Variants in E2F8 observed in about 807,000 individuals in gnomAD.
E2F8 encodes the protein transcription factor E2F8.
A neutral mutation model predicts 80.8 loss-of-function variants in E2F8; 35 were observed. The observed-to-expected ratio is 0.43, with a 90% CI of 0.33 to 0.57. The LOEUF (loss-of-function observed/expected upper bound fraction) is 0.57, where lower values mean the gene tolerates loss of function less well. Among genes scored for constraint, E2F8 ranks in the 20% least tolerant of loss-of-function variants. The pLI, the probability that E2F8 is intolerant of heterozygous loss-of-function variation, is 0.04. For synonymous variants in E2F8, 386 were observed against 395.0 expected (o/e 0.98, Z 0.27); for missense variants, 975 against 1,056.2 (o/e 0.92, Z 1.07).
At position 19,237,909 on chromosome 11, in the gene E2F8, T is replaced by G; in HGVS notation, c.239A>C (p.Lys80Thr). The G allele has an allele frequency of 6.2e-7, 1 of 1,614,122 alleles. No individual in the cohort carries two copies. The highest frequency in any genetic ancestry group is 1.7e-5 in the Admixed American group (1 of 60,020). ...ACTTCTGTTGTCAAACAAACCCCTT[T>G]TCTGATCTCTGTTGCGGATCTCAGG... is the stretch of plus-strand genomic sequence containing the variant. ...VSPEIRNRDQ[K>T]RGLFDNRSGL... Residue 80 changes from lysine (K) to threonine (T), a missense_variant, in exon 3 of 13, where the codon AAA becomes ACA. By Grantham distance (78) the Lys-to-Thr change is moderately conservative (BLOSUM62 -1). Transcript: ENST00000250024.
At chr11:19,237,620 A>G in intron 3 of E2F8, 150 bp from the exon 4 acceptor site, 1 of 1,033,548 alleles carries the variant, frequency 9.7e-7, no homozygotes, top group Admixed American at 2.9e-5. Flanking sequence ...TAGGGGGGCC[A>G]GTACAAAATG....
chr11:19,237,460 G>C lies in E2F8; in HGVS notation c.305C>G (p.Ser102Cys), dbSNP rs1851548281. 1.2e-6 allele frequency: 2 copies of C among 1,613,350 alleles called. No homozygotes were observed. The highest frequency in any genetic ancestry group is 1.1e-5 in the South Asian group (1 of 90,980). The part of the protein sequence containing the change: ...EAKDCIHEHL[S>C]GDEFEKSQPS... ...TTGGGATTTCTCAAATTCATCTCCA[G>C]ATAAGTGTTCCTACAAAGGAAAAGG... The change falls in exon 4 of 13, where the codon TCT becomes TGT. Residue 102 changes from serine to cysteine, a missense_variant. By Grantham distance (112) the Ser-to-Cys change is moderately radical. Coordinates refer to ENST00000250024, the MANE Select transcript of E2F8 (RefSeq NM_024680.4).
chr11:19,237,854 G>A lies in E2F8; in HGVS notation c.294C>T (p.His98=), dbSNP rs149206686. 86 of 1,611,374 alleles carry A rather than the reference G, an allele frequency of 5.3e-5. No individual in the cohort carries two copies. Among genetic ancestry groups the A allele is most frequent in the Non-Finnish European group, 7.1e-5 (84 of 1,178,494 alleles). The change falls in exon 3 of 13, where the codon CAC becomes CAT. Residue 98 remains histidine (H), a splice_region_variant and synonymous_variant. Transcript: ENST00000250024. Reference sequence around the variant, plus strand: ...TCCAACCAGTCCTCTGAAAACCTACGTGTATACAGTCTTTGGCCTCAGGTA... The same window carrying A: ...TCCAACCAGTCCTCTGAAAACCTACATGTATACAGTCTTTGGCCTCAGGTA... ...SGLPEAKDCI[H]EHLSGDEFEK...
intron 6 of E2F8, among the ~76,000 whole-genome samples, chr11:19,233,169 C>T (rs1851424131): frequency 1.3e-5 from 2 of 152,112 alleles, no homozygotes; most frequent in Non-Finnish European, 2.9e-5. Context: ...TGCAGATCTC[C>T]CGATCTCCCG....
At chr11:19,236,484 A>G (rs1422702716) in intron 4 of E2F8, among the ~76,000 whole-genome samples, 1 of 152,192 alleles carries the variant, frequency 6.6e-6, no homozygotes, top group Non-Finnish European at 1.5e-5. Flanking sequence ...TTACGGATGT[A>G]TCCCAGGCTC....
Position 19,240,134 on chromosome 11 carries a change from T to C in E2F8, c.-13A>G. ...TTTCGTTCTCCATTCTGTAAATTCC[T>C]CATACATTTAGAGTTTAAAAATGAA... On this transcript the variant is annotated 5_prime_UTR_variant, in exon 2 of 13. Transcript: ENST00000250024. 6.6e-7 allele frequency: 1 copy of C among 1,509,132 alleles called. No individual in the cohort carries two copies. Among genetic ancestry groups the C allele is most frequent in the Non-Finnish European group, 8.9e-7 (1 of 1,121,808 alleles). 93.5% of individuals were successfully genotyped at this position (1,509,132 alleles called of 1,614,324 possible). A position where few individuals can be genotyped will look rare whatever the true frequency, so the allele number is the denominator to read the frequency against.
At chr11:19,238,212 C>A in intron 2 of E2F8, 80 bp from the exon 3 acceptor site, 1 of 1,402,454 alleles carries the variant, frequency 7.1e-7, no homozygotes. Flanking sequence ...AATTGCATAA[C>A]GAATAGAATC....
rs1450869504 is a variant in E2F8 at position 19,225,035 on chromosome 11, T to C, written c.2421+186A>G. The C allele has an allele frequency of 3.6e-6, 4 of 1,125,716 alleles. 1 individual carries two copies. Among genetic ancestry groups the C allele is most frequent in the Non-Finnish European group, 5.0e-6 (4 of 796,724 alleles). 69.7% of individuals were successfully genotyped at this position (1,125,716 alleles called of 1,614,324 possible). A position where few individuals can be genotyped will look rare whatever the true frequency, so the allele number is the denominator to read the frequency against. Reference sequence around the variant, plus strand: ...TAGGGGAGAGACAAAAATCTCATGATAACCCAACAATATGGATGCCTTGGA... The same window carrying C: ...TAGGGGAGAGACAAAAATCTCATGACAACCCAACAATATGGATGCCTTGGA... On this transcript the variant is annotated intron_variant, in intron 12 of 12. Transcript: ENST00000250024.
chr11:19,227,647 C>G (rs1251952879), intron 10 of E2F8, among the ~76,000 whole-genome samples: 1 of 152,232 alleles, frequency 6.6e-6, no homozygotes, highest in Non-Finnish European at 1.5e-5. Flanking sequence ...TCATTCCTAT[C>G]ATTCACTACC....
intron 4 of E2F8, 31 bp from the exon 5 acceptor site, chr11:19,235,089 AT>A: frequency 6.4e-7 from 1 of 1,555,998 alleles, no homozygotes; most frequent in South Asian, 1.2e-5. Flanking sequence ...TGTGTTACAG[AT>A]TTTTGTAACG....
chr11:19,229,062 C>A lies in E2F8; in HGVS notation c.1893+392G>T, dbSNP rs1240057092. ...CAGATGCCAGTTACATGACAACAAA[C>A]AAACATTAGGTAATGACTCAGAAAG... On this transcript the variant is annotated intron_variant, in intron 10 of 12. Coordinates refer to ENST00000250024, the MANE Select transcript of E2F8 (RefSeq NM_024680.4). This position sits in a 1 kb window ranked among gnomAD's most constrained non-coding sequence, Gnocchi z 4.3. 1.3e-5 allele frequency among the ~76,000 whole-genome samples: 2 copies of A among 152,190 alleles called. No homozygotes were observed. Among genetic ancestry groups the A allele is most frequent in the African/African-American group, 4.8e-5 (2 of 41,446 alleles).
At position 19,234,800 on chromosome 11, in the gene E2F8, G is replaced by T; in HGVS notation, c.710C>A (p.Pro237Gln). ...EDHIIKSNTG[P>Q]NGHPDMCFVE... is the part of the protein sequence containing the mutation. ...AAAACACATGTCTGGGTGTCCATTT[G>T]GGCCAGTGTTTGATTTGATGATATG... Residue 237 changes from proline (P) to glutamine (Q), a missense_variant, in exon 5 of 13, where the codon CCA becomes CAA. Coordinates refer to ENST00000250024, the MANE Select transcript of E2F8 (RefSeq NM_024680.4). The T allele has an allele frequency of 1.2e-6, 2 of 1,614,110 alleles. No individual in the cohort carries two copies. Among genetic ancestry groups the T allele is most frequent in the Non-Finnish European group, 1.7e-6 (2 of 1,180,020 alleles).
chr11:19,225,866 T>C lies in E2F8; in HGVS notation c.1894-2A>G. 1 of 1,612,008 alleles carries C rather than the reference T, an allele frequency of 6.2e-7. No homozygotes were observed. On this transcript the variant is annotated splice_acceptor_variant, in intron 10 of 12. Transcript: ENST00000250024. LOFTEE classifies it high-confidence loss of function. ...TAGGTATCCTGATGGGAACAAGGTC[T>C]AGAAAACAAGGAGGAAGGGTTTATT...
At position 19,224,752 on chromosome 11, in the gene E2F8, G is replaced by A; in HGVS notation, c.2510C>T (p.Ser837Phe). ...PGGPTKPTSS[S>F]CMDFEGANKT... Reference sequence around the variant, plus strand: ...ATTAGCACCCTCAAAATCCATGCAGGATGAGCTGGTTGGCTTGGTGGGTCC... The same window carrying A: ...ATTAGCACCCTCAAAATCCATGCAGAATGAGCTGGTTGGCTTGGTGGGTCC... Residue 837 changes from serine (S) to phenylalanine (F), a missense_variant, in exon 13 of 13, where the codon TCC becomes TTC. Transcript: ENST00000250024. 1 of 1,614,206 alleles carries A rather than the reference G, an allele frequency of 6.2e-7. No homozygotes were observed. Among genetic ancestry groups the A allele is most frequent in the Non-Finnish European group, 8.5e-7 (1 of 1,180,038 alleles).
chr11:19,237,745 A>T, intron 3 of E2F8, 109 bp downstream of exon 3: 1 of 1,397,866 alleles, frequency 7.2e-7, no homozygotes, highest in Non-Finnish European at 9.7e-7. Flanking sequence ...AGTTAATAAC[A>T]GCCTTCGGGT....
Position 19,229,600 on chromosome 11 carries a change from G to A in E2F8, c.1747C>T (p.Leu583=). The A allele has an allele frequency of 6.8e-6, 11 of 1,614,186 alleles. No homozygotes were observed. Among genetic ancestry groups the A allele is most frequent in the Non-Finnish European group, 9.3e-6 (11 of 1,180,032 alleles). ...ASASTRPGSL[L]PAPERQGAKS... ...GCCCCTTGCCTCTCTGGTGCTGGCAGCAAGCTTCCAGGCCTGGTAGAGGCA... is the reference window on the plus strand; with the variant it reads ...GCCCCTTGCCTCTCTGGTGCTGGCAACAAGCTTCCAGGCCTGGTAGAGGCA... Residue 583 remains leucine (L), a synonymous_variant, in exon 10 of 13, where the codon CTG becomes TTG. Coordinates refer to ENST00000250024, the MANE Select transcript of E2F8 (RefSeq NM_024680.4). This position sits in a 1 kb window ranked among gnomAD's most constrained non-coding sequence, Gnocchi z 4.3.
In E2F8 at chr11:19,237,449, A is replaced by G. The variant is rs760792832; in HGVS notation, c.316T>C (p.Phe106Leu). ...CIHEHLSGDE[F>L]EKSQPSRKEK... ...TTTCGACTTGGTTGGGATTTCTCAAATTCATCTCCAGATAAGTGTTCCTAC... is the reference window on the plus strand; with the variant it reads ...TTTCGACTTGGTTGGGATTTCTCAAGTTCATCTCCAGATAAGTGTTCCTAC... Residue 106 changes from phenylalanine to leucine, a missense_variant, in exon 4 of 13, where the codon TTT becomes CTT. Phe to Leu is a conservative substitution (Grantham distance 22). Coordinates refer to ENST00000250024, the MANE Select transcript of E2F8 (RefSeq NM_024680.4). 3.7e-6 allele frequency: 6 copies of G among 1,613,970 alleles called. No homozygotes were observed. The highest frequency in any genetic ancestry group is 3.3e-5 in the South Asian group (3 of 91,046).
chr11:19,232,403 G>C (rs1264765539), intron 6 of E2F8, 32 bp from the exon 7 acceptor site: 2 of 1,563,010 alleles, frequency 1.3e-6, no homozygotes, highest in Non-Finnish European at 1.7e-6. Flanking sequence ...CCACTTAATG[G>C]AATAATGAAA....
In E2F8 at chr11:19,229,558, C is replaced by T; in HGVS notation, c.1789G>A (p.Glu597Lys). The change falls in exon 10 of 13, where the codon GAG becomes AAG. Residue 597 changes from glutamate (E) to lysine (K), a missense_variant. Physicochemically the swap from Glu to Lys is moderately conservative, Grantham distance 56. Coordinates refer to ENST00000250024, the MANE Select transcript of E2F8 (RefSeq NM_024680.4). The surrounding 1 kb of genome is among the most constrained non-coding windows in gnomAD (Gnocchi z 4.3). ...TTTGAGCCTCTTTCTCCAGCTGGCT[C>T]CCTGGTTCGGCTCTTTGCCCCTTGC... is the stretch of plus-strand genomic sequence containing the variant. ...ERQGAKSRTR[E>K]PAGERGSKRA... 1 of 1,614,232 alleles carries T rather than the reference C, an allele frequency of 6.2e-7. No homozygotes were observed. The highest frequency in any genetic ancestry group is 8.5e-7 in the Non-Finnish European group (1 of 1,180,044).
Sources: allele counts gnomAD v4.1 joint callset (sites outside exome capture counted in the v4.1 genomes callset), GRCh38; gene constraint gnomAD v4.1.1; non-coding constraint Gnocchi (gnomAD v3.1); transcripts MANE v1.5; gene names NCBI Gene and HGNC (gene_info 2026-07-23, HGNC 2026-07-21).